Variants in ADGRL2 observed in about 807,000 individuals in gnomAD.
The protein encoded by ADGRL2 is calcium-independent alpha-latrotoxin receptor 2.
ADGRL2 carries 44 observed loss-of-function variants against 157.4 expected under a neutral mutation model. That is an observed-to-expected ratio of 0.28 (90% CI 0.22 to 0.36). The LOEUF (loss-of-function observed/expected upper bound fraction) is 0.36, where lower values mean the gene tolerates loss of function less well. Ranked by LOEUF, ADGRL2 falls within the 10% of genes least tolerant of loss-of-function variation. ADGRL2 has a pLI of 1.00. For missense variants in ADGRL2, 1,510 were observed against 1,768.9 expected, an observed-to-expected ratio of 0.85 and a Z score of 2.63; for synonymous variants, 585 against 624.7, an observed-to-expected ratio of 0.94 and a Z score of 0.95.
At chr1:81,572,710 G>C (rs1241213466) in intron 2 of ADGRL2, among the ~76,000 whole-genome samples, 1 of 151,944 alleles carries the variant, frequency 6.6e-6, no homozygotes, top group Non-Finnish European at 1.5e-5. Context: ...GGTTTAAGGA[G>C]AAAAAAGTTT....
intron 1 of ADGRL2, among the ~76,000 whole-genome samples, chr1:81,740,623 T>G (rs2085043593): frequency 1.3e-5 from 2 of 152,088 alleles, no homozygotes; most frequent in African/African-American, 2.4e-5. Flanking sequence ...GGTACATGTC[T>G]CAAAGGTTTT....
upstream of ADGRL2, among the ~76,000 whole-genome samples, chr1:81,798,186 T>G (rs987150260): frequency 6.6e-5 from 10 of 152,142 alleles, no homozygotes; most frequent in African/African-American, 2.2e-4. Context: ...TGTTATAAAT[T>G]ATGTTATGAA....
intron 2 of ADGRL2, among the ~76,000 whole-genome samples, chr1:81,768,603 G>T (rs183646116): frequency 6.6e-6 from 1 of 151,416 alleles, no homozygotes; most frequent in East Asian, 2.0e-4. Context: ...CCTCCCAACT[G>T]GCTGGGATTA....
At chr1:81,747,127 A>ATG (rs1553148606) in intron 1 of ADGRL2, among the ~76,000 whole-genome samples, 3 of 143,874 alleles carry the variant, frequency 2.1e-5, no homozygotes, top group African/African-American at 7.8e-5. Flanking sequence ...ATGTGTATAT[A>ATG]TGTATATATG....
chr1:81,966,080 T>A lies in ADGRL2; in HGVS notation c.2040T>A (p.Ser680Arg). Reference sequence around the variant, plus strand: ...CAGTCCTGGAAGTTGCCGTACTCAGTACAGAAGGACAGATCCAAGACTTTA... The same window carrying A: ...CAGTCCTGGAAGTTGCCGTACTCAGAACAGAAGGACAGATCCAAGACTTTA... ...ENIVLEVAVLSTEGQIQDFKF... is the reference protein window; with the variant it reads ...ENIVLEVAVLRTEGQIQDFKF... Residue 680 changes from serine (S) to arginine (R), a missense_variant, in exon 12 of 24, where the codon AGT (serine) becomes AGA (arginine). Physicochemically the swap from Ser to Arg is moderately radical, Grantham distance 110. Coordinates refer to ENST00000686636, the MANE Select transcript of ADGRL2 (RefSeq NM_001366006.2). The A allele has an allele frequency of 6.2e-7, 1 of 1,614,056 alleles. No homozygotes were observed. Among genetic ancestry groups the A allele is most frequent in the Non-Finnish European group, 8.5e-7 (1 of 1,179,944 alleles).
intron 2 of ADGRL2, among the ~76,000 whole-genome samples, chr1:81,465,838 G>T (rs2078041433): frequency 1.3e-5 from 2 of 152,178 alleles, no homozygotes; most frequent in South Asian, 4.1e-4. Flanking sequence ...CCTGAAAGAT[G>T]ATCATTAGTC....
intron 1 of ADGRL2, among the ~76,000 whole-genome samples, chr1:81,416,744 T>A (rs1453558654): frequency 6.6e-6 from 1 of 152,194 alleles, no homozygotes; most frequent in African/African-American, 2.4e-5. Flanking sequence ...TTCCACAAAT[T>A]CAGAGTTCCC....
At chr1:81,586,737 G>T (rs1174739608) in intron 3 of ADGRL2, among the ~76,000 whole-genome samples, 1 of 152,050 alleles carries the variant, frequency 6.6e-6, no homozygotes, top group African/African-American at 2.4e-5. Context: ...CAGAGAGGAA[G>T]TTATGAAGGA....
intron 1 of ADGRL2, among the ~76,000 whole-genome samples, chr1:81,408,803 T>G (rs2076899883): frequency 6.6e-6 from 1 of 152,294 alleles, no homozygotes; most frequent in Non-Finnish European, 1.5e-5. Flanking sequence ...TAATGCATGG[T>G]TTGGGATCCT....
chr1:81,714,902 G>A (rs569804474), intron 1 of ADGRL2, among the ~76,000 whole-genome samples: 13 of 151,780 alleles, frequency 8.6e-5, no homozygotes, highest in African/African-American at 2.9e-4. Flanking sequence ...TGTATCATAG[G>A]TGTAAGTCCT....
At chr1:81,392,210 C>T (rs1477929559) in intron 1 of ADGRL2, among the ~76,000 whole-genome samples, 1 of 119,460 alleles carries the variant, frequency 8.4e-6, no homozygotes, top group Non-Finnish European at 1.8e-5. Flanking sequence ...CTCACACTTC[C>T]TCCTACCCCA....
intron 1 of ADGRL2, among the ~76,000 whole-genome samples, chr1:81,363,519 C>T (rs992494784): frequency 6.6e-6 from 1 of 151,990 alleles, no homozygotes; most frequent in African/African-American, 2.4e-5. Context: ...GGAGTAGTCA[C>T]CAGAGAATTC....
At chr1:81,723,454 T>C (rs1181621608) in intron 1 of ADGRL2, among the ~76,000 whole-genome samples, 2 of 152,204 alleles carry the variant, frequency 1.3e-5, no homozygotes, top group East Asian at 3.8e-4. Flanking sequence ...TTAATTCTTA[T>C]ATTTTTCTTT....
chr1:81,732,810 C>T (rs1405330036), intron 1 of ADGRL2, among the ~76,000 whole-genome samples: 1 of 152,086 alleles, frequency 6.6e-6, no homozygotes, highest in African/African-American at 2.4e-5. Context: ...ATATATATGT[C>T]TTAAGACTTT....
chr1:81,835,057 T>C (rs2092195481), intron 1 of ADGRL2, among the ~76,000 whole-genome samples: 1 of 152,102 alleles, frequency 6.6e-6, no homozygotes, highest in East Asian at 1.9e-4. Flanking sequence ...TCTTCCTTCC[T>C]CCTCCTTCCC....
intron 2 of ADGRL2, among the ~76,000 whole-genome samples, chr1:81,838,575 CA>C (rs1269574455): frequency 6.6e-6 from 1 of 152,064 alleles, no homozygotes; most frequent in Admixed American, 6.6e-5. Flanking sequence ...GATGATTTTA[CA>C]TCTCGTTTTT....
intron 1 of ADGRL2, among the ~76,000 whole-genome samples, chr1:81,320,215 T>C (rs1236059107): frequency 6.6e-6 from 1 of 152,346 alleles, no homozygotes; most frequent in Non-Finnish European, 1.5e-5. Context: ...TTCAGTGACA[T>C]CTTCAGGCTC....
At chr1:81,988,462 A>G (rs906565749) in intron 23 of ADGRL2, 7 of 143,106 alleles carry the variant, frequency 4.9e-5, no homozygotes, top group Non-Finnish European at 9.1e-5. Flanking sequence ...TAAGTGCGAA[A>G]TGGTTTTTTT....
intron 1 of ADGRL2, among the ~76,000 whole-genome samples, chr1:81,307,022 G>T (rs903815673): frequency 3.3e-5 from 5 of 152,154 alleles, no homozygotes; most frequent in African/African-American, 7.2e-5. Context: ...TTGCTAACAG[G>T]CCTGTCAGAT....
Sources: gnomAD v4.1 joint callset for allele counts (sites outside exome capture counted in the v4.1 genomes callset) on GRCh38, gnomAD v4.1.1 for gene constraint, MANE v1.5 for transcripts, NCBI Gene and HGNC (gene_info 2026-07-23, HGNC 2026-07-21) for gene names.